Variants in RNF216 observed in about 807,000 individuals in gnomAD.
RNF216 encodes the protein E3 ubiquitin-protein ligase RNF216.
RNF216 carries 72 observed loss-of-function variants against 110.8 expected under a neutral mutation model. The ratio of observed to expected loss-of-function variants is 0.65; its 90% confidence interval spans 0.54 to 0.79. The LOEUF (loss-of-function observed/expected upper bound fraction) is 0.79, where lower values mean the gene tolerates loss of function less well. Among genes scored for constraint, RNF216 ranks in the 30% least tolerant of loss-of-function variants. The pLI, the probability that RNF216 is intolerant of heterozygous loss-of-function variation, is 0.00. For synonymous variants in RNF216, 495 were observed against 407.5 expected (o/e 1.21, Z -2.59); for missense variants, 1,342 against 1,141.2 (o/e 1.18, Z -2.54).
chr7:5,748,798 A>G (rs1203236520), intron 3 of RNF216, among the ~76,000 whole-genome samples: 1 of 152,188 alleles, frequency 6.6e-6, no homozygotes, highest in Non-Finnish European at 1.5e-5. Context: ...TGGGGAGTCA[A>G]AAGTTATATG....
chr7:5,682,340 T>C (rs186315611), intron 13 of RNF216, among the ~76,000 whole-genome samples: 14 of 152,218 alleles, frequency 9.2e-5, no homozygotes, highest in Admixed American at 7.8e-4. Flanking sequence ...ATGGAGCACA[T>C]GTTACTACTT....
chr7:5,668,808 G>T (rs996969296), intron 13 of RNF216, among the ~76,000 whole-genome samples: 1 of 152,136 alleles, frequency 6.6e-6, no homozygotes, highest in Non-Finnish European at 1.5e-5. Flanking sequence ...CATTCTCCTG[G>T]TTCACAAGAT....
chr7:5,775,460 C>T (rs1437682770), intron 1 of RNF216, among the ~76,000 whole-genome samples: 1 of 152,104 alleles, frequency 6.6e-6, no homozygotes, highest in Non-Finnish European at 1.5e-5. Context: ...CTCTGTAGTG[C>T]CCCTGGCTCT....
intron 5 of RNF216, among the ~76,000 whole-genome samples, chr7:5,731,151 G>A (rs970366339): frequency 9.8e-5 from 15 of 152,336 alleles, no homozygotes; most frequent in African/African-American, 3.6e-4. Context: ...TTTAAGAAAA[G>A]CAGCTACTCT....
At chr7:5,689,773 G>T (rs577214940) in intron 13 of RNF216, among the ~76,000 whole-genome samples, 1 of 151,978 alleles carries the variant, frequency 6.6e-6, no homozygotes, top group East Asian at 1.9e-4. Flanking sequence ...GGCCTGCGTG[G>T]CAAAATTCCG....
In RNF216 at chr7:5,624,665, AG is replaced by A. The variant is rs1226640640; in HGVS notation, c.2383-541del. ...GGGAGAGGAGGAAGGTGCGACAGTG[AG>A]GATGGTCCCCCTCGGACCTTGCCGT... On this transcript the variant is annotated intron_variant, in intron 15 of 16. Coordinates refer to ENST00000389902, the MANE Select transcript of RNF216 (RefSeq NM_207111.4). The surrounding 1 kb of genome is among the most constrained non-coding windows in gnomAD (Gnocchi z 4.4). 6.6e-6 allele frequency among the ~76,000 whole-genome samples: 1 copy of A among 152,240 alleles called. No homozygotes were observed. The highest frequency in any genetic ancestry group is 1.5e-5 in the Non-Finnish European group (1 of 68,040).
chr7:5,650,135 A>T (rs1163825988), intron 14 of RNF216: 2 of 152,216 alleles, frequency 1.3e-5, no homozygotes, highest in Non-Finnish European at 2.9e-5. Flanking sequence ...TCAGGCATGT[A>T]TATCATGATA....
chr7:5,643,133 C>CTCAACATTGCTGAAATGTTAAACAGCTAT (rs1787843256), intron 14 of RNF216, among the ~76,000 whole-genome samples: 6 of 152,120 alleles, frequency 3.9e-5, no homozygotes, highest in African/African-American at 1.4e-4. Context: ...ATGCCTGCAA[C>CTCAACATTGCTGAAATGTTAAACAGCTAT]TCAACATTGC....
At chr7:5,634,644 A>G (rs1288407696) in intron 15 of RNF216, among the ~76,000 whole-genome samples, 1 of 152,322 alleles carries the variant, frequency 6.6e-6, no homozygotes, top group African/African-American at 2.4e-5. Flanking sequence ...TCCTCAGGTC[A>G]GACAAGCCCA....
intron 10 of RNF216, 53 bp from the exon 11 acceptor site, chr7:5,715,243 G>C: frequency 6.4e-7 from 1 of 1,568,862 alleles, no homozygotes; most frequent in East Asian, 2.3e-5. Flanking sequence ...AGGAGAGGGG[G>C]AGCCTTGTCT....
rs752929444 is a variant in RNF216, at chr7:5,721,109, T to C, written c.1568A>G (p.Tyr523Cys). ...AGCTGGAAGGAGAGCACGTCGGTCA[T>C]AGGACCTACAATGTCGTCGCTTATT... Reference protein sequence around the residue: ...LENKRRHCRSYDRRALLPAVQ... With the variant: ...LENKRRHCRSCDRRALLPAVQ... The change falls in exon 9 of 17, where the codon TAT (tyrosine) becomes TGT (cysteine). Residue 523 changes from tyrosine (Y) to cysteine (C), a missense_variant. Tyr to Cys is a radical substitution (Grantham distance 194). Coordinates refer to ENST00000389902, the MANE Select transcript of RNF216 (RefSeq NM_207111.4). 1.2e-5 allele frequency: 19 copies of C among 1,613,958 alleles called. No individual in the cohort carries two copies. The highest frequency in any genetic ancestry group is 5.0e-5 in the Admixed American group (3 of 60,028).
intron 14 of RNF216, 86 bp from the exon 15 acceptor site, chr7:5,641,462 T>G: frequency 9.1e-7 from 1 of 1,099,834 alleles, no homozygotes; most frequent in Non-Finnish European, 1.3e-6. Context: ...TATTTTCACA[T>G]AAAATGATCA....
chr7:5,659,479 GT>G (rs992935746), intron 13 of RNF216, among the ~76,000 whole-genome samples: 1 of 152,198 alleles, frequency 6.6e-6, no homozygotes, highest in Non-Finnish European at 1.5e-5. Context: ...CTGGAGCCCA[GT>G]GGGGGAGAGT....
intron 3 of RNF216, among the ~76,000 whole-genome samples, chr7:5,742,096 G>A (rs776415157): frequency 1.3e-5 from 2 of 152,132 alleles, no homozygotes; most frequent in African/African-American, 4.8e-5. Context: ...ACCCAGGCTG[G>A]AGTGCAATGG....
intron 15 of RNF216, among the ~76,000 whole-genome samples, chr7:5,638,242 T>C (rs557612061): frequency 7.2e-5 from 11 of 152,364 alleles, no homozygotes; most frequent in South Asian, 2.1e-4. Context: ...TAGATATATA[T>C]AGAATTACTT....
intron 13 of RNF216, among the ~76,000 whole-genome samples, chr7:5,677,832 G>C (rs1053117788): frequency 6.6e-6 from 1 of 152,174 alleles, no homozygotes; most frequent in East Asian, 1.9e-4. Context: ...GAATCCAGTA[G>C]AATCAGGGGA....
At chr7:5,685,877 A>G (rs138341539) in intron 13 of RNF216, among the ~76,000 whole-genome samples, 2 of 152,342 alleles carry the variant, frequency 1.3e-5, no homozygotes, top group East Asian at 3.9e-4. Context: ...TGAATTCTTT[A>G]TATTTGGAGC....
intron 5 of RNF216, among the ~76,000 whole-genome samples, chr7:5,731,188 G>C (rs1794067431): frequency 6.6e-6 from 1 of 152,200 alleles, no homozygotes; most frequent in Non-Finnish European, 1.5e-5. Flanking sequence ...GAACAAGTAA[G>C]AAGTGGAAAA....
At position 5,751,290 on chromosome 7, in the gene RNF216, C is replaced by T. The variant is rs1021208292; in HGVS notation, c.201+1556G>A. ...GGTAACTGAGAGTGGCACTGATGCC[C>T]GAAGGTTTGGTCAGGTCCTGGGTGA... On this transcript the variant is annotated intron_variant, in intron 3 of 16. Transcript: ENST00000389902. Among the ~76,000 whole-genome samples, 3 of 152,090 alleles carry T rather than the reference C, an allele frequency of 2.0e-5. No individual in the cohort carries two copies. In the East Asian group the frequency reaches 5.8e-4, roughly 29 times the overall value.
Sources: allele counts gnomAD v4.1 joint callset (sites outside exome capture counted in the v4.1 genomes callset), GRCh38; gene constraint gnomAD v4.1.1; non-coding constraint Gnocchi (gnomAD v3.1); transcripts MANE v1.5; gene names NCBI Gene and HGNC (gene_info 2026-07-23, HGNC 2026-07-21).